The following ATP10D variants were observed in gnomAD, a reference collection of about 807,000 sequenced individuals.
The protein encoded by ATP10D is ATPase phospholipid transporting 10D (putative).
A neutral mutation model predicts 144.8 loss-of-function variants in ATP10D; 89 were observed. The observed-to-expected ratio is 0.61, with a 90% CI of 0.52 to 0.73. ATP10D has a LOEUF of 0.73. Among genes scored for constraint, ATP10D ranks in the 30% least tolerant of loss-of-function variants. The pLI, the probability that ATP10D is intolerant of heterozygous loss-of-function variation, is 0.00. For synonymous variants in ATP10D, 571 were observed against 615.1 expected (o/e 0.93, Z 1.06); for missense variants, 1,603 against 1,714.8 (o/e 0.93, Z 1.15).
chr4:47,505,059 C>T (rs1474378022), intron 1 of ATP10D, among the ~76,000 whole-genome samples: 3 of 152,208 alleles, frequency 2.0e-5, no homozygotes, highest in Non-Finnish European at 4.4e-5. Context: ...CTAATTCTAA[C>T]TGTATTAAAT....
At chr4:47,529,671 T>C (rs73237086) in intron 5 of ATP10D, among the ~76,000 whole-genome samples, 19,653 of 152,176 alleles carry the variant, frequency 0.13, 1,522 homozygotes, top group South Asian at 0.24. Flanking sequence ...TTTCTAATTC[T>C]GTGAAAAATG....
intron 15 of ATP10D, 138 bp downstream of exon 15, chr4:47,563,903 G>T (rs893265666): frequency 1.3e-5 from 12 of 925,278 alleles, no homozygotes; most frequent in Middle Eastern, 3.6e-4. Context: ...GTTTGTTTTG[G>T]TTTTTTTGAG....
chr4:47,521,575 C>T (rs1716944780), intron 3 of ATP10D, among the ~76,000 whole-genome samples: 1 of 152,182 alleles, frequency 6.6e-6, no homozygotes, highest in African/African-American at 2.4e-5. Flanking sequence ...TACTCTGTCT[C>T]AGGAGTTGGC....
intron 1 of ATP10D, chr4:47,490,871 A>T (rs896104845): frequency 2.1e-5 from 8 of 384,124 alleles, no homozygotes; most frequent in South Asian, 2.5e-5. Flanking sequence ...GGTTTTCCAG[A>T]TGAGTCGTCC....
intron 18 of ATP10D, 126 bp downstream of exon 18, chr4:47,573,123 A>G: frequency 8.3e-7 from 1 of 1,197,666 alleles, no homozygotes; most frequent in Non-Finnish European, 1.2e-6. Context: ...AACAGCCAGG[A>G]CTGGTCTTGC....
intron 13 of ATP10D, among the ~76,000 whole-genome samples, chr4:47,560,504 CA>C (rs1166760447): frequency 1.3e-5 from 2 of 151,964 alleles, no homozygotes; most frequent in East Asian, 1.9e-4. Flanking sequence ...AAAAACAAAA[CA>C]AAACAAACAA....
intron 19 of ATP10D, among the ~76,000 whole-genome samples, chr4:47,578,974 C>T (rs183023714): frequency 2.5e-3 from 382 of 152,328 alleles, no homozygotes; most frequent in African/African-American, 8.8e-3. Flanking sequence ...AAGGAAGTTT[C>T]AGCCTCTGCA....
intron 21 of ATP10D, among the ~76,000 whole-genome samples, chr4:47,585,981 T>C (rs1720770615): frequency 6.6e-6 from 1 of 152,246 alleles, no homozygotes; most frequent in South Asian, 2.1e-4. Context: ...CTCTTTGATA[T>C]ACTGATTTCC....
At chr4:47,542,002 T>A (rs928865355) in intron 9 of ATP10D, among the ~76,000 whole-genome samples, 8 of 151,996 alleles carry the variant, frequency 5.3e-5, no homozygotes, top group Non-Finnish European at 1.2e-4. Context: ...TACCTTAAGG[T>A]AAGTATTAAG....
chr4:47,509,967 T>C (rs1255224976), intron 1 of ATP10D, among the ~76,000 whole-genome samples: 2 of 151,444 alleles, frequency 1.3e-5, no homozygotes. Flanking sequence ...TGTGTGTGTG[T>C]GTGTGTGTGT....
In ATP10D at chr4:47,515,461, G is replaced by A. The variant is rs1259224379; in HGVS notation, c.291-15G>A. ...GTAACTTCTTAACACCTCCCTTTGT[G>A]TGTTTGGGTTGCAGAGCTGCCAATT... On this transcript the variant is annotated splice_polypyrimidine_tract_variant and intron_variant, in intron 2 of 22. Transcript: ENST00000273859. The A allele has an allele frequency of 1.2e-6, 2 of 1,602,394 alleles. No homozygotes were observed. The highest frequency in any genetic ancestry group is 8.5e-7 in the Non-Finnish European group (1 of 1,173,560).
intron 16 of ATP10D, among the ~76,000 whole-genome samples, chr4:47,570,254 G>C (rs1390778356): frequency 1.3e-5 from 2 of 152,190 alleles, no homozygotes; most frequent in Non-Finnish European, 2.9e-5. Context: ...AGAGACATTT[G>C]CTGGCATATT....
At chr4:47,535,815 A>G (rs1717816362) in intron 6 of ATP10D, 87 bp from the exon 7 acceptor site, 1 of 1,446,908 alleles carries the variant, frequency 6.9e-7, no homozygotes, top group Non-Finnish European at 9.3e-7. Context: ...GTTTTATTAA[A>G]TTGTCTGCAA....
chr4:47,515,781 G>A (rs1460814929), intron 3 of ATP10D, 111 bp downstream of exon 3: 14 of 810,536 alleles, frequency 1.7e-5, no homozygotes, highest in Non-Finnish European at 2.4e-5. Flanking sequence ...GGTGGTGTTG[G>A]TGTTGTTGCT....
chr4:47,543,740 T>C (rs1454960727), intron 9 of ATP10D, among the ~76,000 whole-genome samples: 3 of 152,178 alleles, frequency 2.0e-5, no homozygotes, highest in African/African-American at 7.2e-5. Context: ...TCTCTCTGGG[T>C]CTTAATCTCC....
intron 10 of ATP10D, chr4:47,547,404 A>G (rs1718496345): frequency 6.4e-6 from 1 of 156,474 alleles, no homozygotes; most frequent in East Asian, 1.9e-4. Context: ...TCCAGTGGGA[A>G]GTGTCAGGAA....
chr4:47,566,102 C>CT (rs1719627040), intron 15 of ATP10D, among the ~76,000 whole-genome samples: 1 of 152,202 alleles, frequency 6.6e-6, no homozygotes, highest in Admixed American at 6.5e-5. Flanking sequence ...CAGTGTGTCA[C>CT]TTAGTGAAGG....
At chr4:47,485,699 C>A (rs1445287497) in intron 1 of ATP10D, among the ~76,000 whole-genome samples, 180 bp downstream of exon 1, 10 of 150,500 alleles carry the variant, frequency 6.6e-5, no homozygotes, top group South Asian at 2.1e-4. Flanking sequence ...AAAAAAAAAA[C>A]AACAAAAGAT....
chr4:47,486,675 C>G (rs981917662), intron 1 of ATP10D, among the ~76,000 whole-genome samples: 1 of 152,202 alleles, frequency 6.6e-6, no homozygotes, highest in African/African-American at 2.4e-5. Context: ...TTTCTATTCT[C>G]ACTACAAATA....
Sources: allele counts gnomAD v4.1 joint callset (sites outside exome capture counted in the v4.1 genomes callset), GRCh38; gene constraint gnomAD v4.1.1; transcripts MANE v1.5; gene names NCBI Gene and HGNC (gene_info 2026-07-23, HGNC 2026-07-21).